The following CDADC1 variants were observed in gnomAD, a reference collection of about 807,000 sequenced individuals.
CDADC1 encodes dCTP deaminase.
CDADC1 carries 39 observed loss-of-function variants against 54.9 expected under a neutral mutation model. The ratio of observed to expected loss-of-function variants is 0.71; its 90% confidence interval spans 0.55 to 0.93. The LOEUF is 0.93. CDADC1 is among the 40% of genes least tolerant of loss of function. The probability of loss-of-function intolerance (pLI) is 0.00; values close to 1 mark genes in which losing one functional copy is unlikely to be tolerated. For synonymous variants in CDADC1, 186 were observed against 204.0 expected, an observed-to-expected ratio of 0.91 and a Z score of 0.75; for missense variants, 518 against 618.8, an observed-to-expected ratio of 0.84 and a Z score of 1.73.
chr13:49,253,672 TTTG>T (rs999999855), intron 2 of CDADC1, among the ~76,000 whole-genome samples: 63 of 152,246 alleles, frequency 4.1e-4, no homozygotes, highest in Admixed American at 1.8e-3. Context: ...GTACTATGTG[TTTG>T]TTGTTGTTGT....
intron 4 of CDADC1, chr13:49,265,883 A>T (rs1952803025): frequency 2.3e-6 from 3 of 1,302,414 alleles, no homozygotes; most frequent in Non-Finnish European, 3.0e-6. Flanking sequence ...AATCAGGATT[A>T]CTGGAAGCAG....
rs756465672 is a variant in CDADC1 at position 49,280,682 on chromosome 13, G to T, written c.1394G>T (p.Gly465Val). The change falls in exon 8 of 10, where the codon GGT (glycine) becomes GTT (valine). Residue 465 changes from glycine (G) to valine (V), a missense_variant. By Grantham distance (109) the Gly-to-Val change is moderately radical (BLOSUM62 -3). Coordinates refer to ENST00000251108, the MANE Select transcript of CDADC1 (RefSeq NM_030911.4). The stretch of plus-strand genomic sequence containing the variant: ...TACATGAGGTTCGGGGAGCTTGAAG[G>T]TGTTAGCAAATTTACGGTAAGTAGA... ...ISYMRFGELE[G>V]VSKFTWQLNP... 4 of 1,575,082 alleles carry T rather than the reference G, an allele frequency of 2.5e-6. No homozygotes were observed. Among genetic ancestry groups the T allele is most frequent in the South Asian group, 2.4e-5 (2 of 84,088 alleles).
chr13:49,264,666 T>G (rs1208326095), intron 4 of CDADC1, among the ~76,000 whole-genome samples: 1 of 150,012 alleles, frequency 6.7e-6, no homozygotes, highest in Non-Finnish European at 1.5e-5. Context: ...GAAGTTACAG[T>G]GAGCTATGAT....
At chr13:49,283,599 T>C (rs1206129939) in intron 8 of CDADC1, among the ~76,000 whole-genome samples, 1 of 152,150 alleles carries the variant, frequency 6.6e-6, no homozygotes, top group Non-Finnish European at 1.5e-5. Context: ...TACTGGTAGA[T>C]TTTAATAGCT....
chr13:49,259,318 T>C (rs779916883), intron 3 of CDADC1, 28 bp from the exon 4 acceptor site: 1 of 1,492,812 alleles, frequency 6.7e-7, no homozygotes, highest in Non-Finnish European at 9.2e-7. Flanking sequence ...TTATAACTAA[T>C]AAGTTGTTAT....
intron 6 of CDADC1, 21 bp downstream of exon 6, chr13:49,274,361 TTAAA>T: frequency 6.3e-7 from 1 of 1,590,246 alleles, no homozygotes; most frequent in Non-Finnish European, 8.6e-7. Context: ...AAACAATTCT[TTAAA>T]TATTTAACCT....
chr13:49,268,247 T>C (rs1228468495), intron 5 of CDADC1, among the ~76,000 whole-genome samples, 188 bp downstream of exon 5: 1 of 152,230 alleles, frequency 6.6e-6, no homozygotes, highest in Non-Finnish European at 1.5e-5. Flanking sequence ...GGATTCCTTG[T>C]AGCCTTATAT....
intron 8 of CDADC1, among the ~76,000 whole-genome samples, chr13:49,281,258 G>A (rs1314446470): frequency 6.6e-6 from 1 of 152,156 alleles, no homozygotes; most frequent in Non-Finnish European, 1.5e-5. Flanking sequence ...TTGAGCCAGT[G>A]GATCTTTTGG....
At position 49,265,982 on chromosome 13, in the gene CDADC1, G is replaced by A. The variant is rs1187945066; in HGVS notation, c.431-1508G>A. 4.0e-5 allele frequency: 52 copies of A among 1,296,370 alleles called. 2 individuals carry two copies. Among genetic ancestry groups the A allele is most frequent in the South Asian group, 2.5e-4 (20 of 80,370 alleles). 80.3% of individuals were successfully genotyped at this position (1,296,370 alleles called of 1,614,324 possible). On this transcript the variant is annotated intron_variant, in intron 4 of 9. Transcript: ENST00000251108. ...AACAGAGGGAAGGTGAAATGCAACC[G>A]GAGGAAACACTCTGATATGAGGTTT...
At position 49,292,824 on chromosome 13, in the gene CDADC1, G is replaced by A. The variant is rs1348874919; in HGVS notation, c.*1067G>A. Reference sequence around the variant, plus strand: ...GTGCTTCATGAGAAATGTCTTCCTGGATCTGCGGTGGTCAGGTTTGCCTCT... The same window carrying A: ...GTGCTTCATGAGAAATGTCTTCCTGAATCTGCGGTGGTCAGGTTTGCCTCT... On this transcript the variant is annotated 3_prime_UTR_variant, in exon 10 of 10. Coordinates refer to ENST00000251108, the MANE Select transcript of CDADC1 (RefSeq NM_030911.4). The A allele has an allele frequency of 3.1e-6, 4 of 1,272,830 alleles. No individual in the cohort carries two copies. The Admixed American group carries it at 7.2e-5, about 23-fold the overall frequency. 78.8% of individuals were successfully genotyped at this position (1,272,830 alleles called of 1,614,324 possible).
intron 3 of CDADC1, among the ~76,000 whole-genome samples, chr13:49,258,776 C>T (rs1952605400): frequency 1.3e-5 from 2 of 152,270 alleles, no homozygotes; most frequent in Middle Eastern, 3.4e-3. Flanking sequence ...TCTAGACTGC[C>T]ATAGTGCTAA....
chr13:49,266,649 T>G lies in CDADC1; in HGVS notation c.431-841T>G, dbSNP rs546110054. 1.3e-4 allele frequency among the ~76,000 whole-genome samples: 20 copies of G among 152,354 alleles called. No homozygotes were observed. The South Asian group carries it at 3.9e-3, about 30-fold the overall frequency. On this transcript the variant is annotated intron_variant, in intron 4 of 9. Transcript: ENST00000251108. ...TGTTTTATTATGAGGAGGACCATAA[T>G]TAATTCAACCATTCCCCTATTTTGG...
chr13:49,292,538 C>A lies in CDADC1; in HGVS notation c.*781C>A. ...CCTAGAATTCCATTAATAAATGCTG[C>A]TCCCCCATATAGTCTTCCCTTCTGT... On this transcript the variant is annotated 3_prime_UTR_variant, in exon 10 of 10. Transcript: ENST00000251108. The A allele has an allele frequency of 9.7e-7, 1 of 1,033,538 alleles. No homozygotes were observed. Among genetic ancestry groups the A allele is most frequent in the Non-Finnish European group, 1.2e-6 (1 of 858,822 alleles). 64.0% of individuals were successfully genotyped at this position (1,033,538 alleles called of 1,614,324 possible).
At position 49,255,842 on chromosome 13, in the gene CDADC1, A is replaced by ATCTG. The variant is rs1246700257; in HGVS notation, c.181_182insTCTG (p.Asn61IlefsTer2). On this transcript the variant is annotated stop_gained and frameshift_variant, in exon 3 of 10. Coordinates refer to ENST00000251108, the MANE Select transcript of CDADC1 (RefSeq NM_030911.4). LOFTEE classifies it high-confidence loss of function. The stretch of plus-strand genomic sequence containing the variant: ...TCCTTAATCTGATTTTTATTAGAAA[A>ATCTG]ATGAAGAGGGAAAGCATGGACCCTT... The ATCTG allele has an allele frequency of 6.2e-7, 1 of 1,610,792 alleles. No homozygotes were observed. Among genetic ancestry groups the ATCTG allele is most frequent in the South Asian group, 1.1e-5 (1 of 89,984 alleles).
At chr13:49,284,872 G>C (rs1009254192) in intron 8 of CDADC1, among the ~76,000 whole-genome samples, 1 of 152,182 alleles carries the variant, frequency 6.6e-6, no homozygotes, top group Non-Finnish European at 1.5e-5. Flanking sequence ...CCCTAGCAGG[G>C]CCTTTTGGTT....
At chr13:49,260,416 A>T (rs1376879065) in intron 4 of CDADC1, among the ~76,000 whole-genome samples, 1 of 152,170 alleles carries the variant, frequency 6.6e-6, no homozygotes. Flanking sequence ...AGTCCTCTGT[A>T]TCCAGAGGCA....
At chr13:49,254,994 G>A (rs1952511812) in intron 2 of CDADC1, among the ~76,000 whole-genome samples, 2 of 152,170 alleles carry the variant, frequency 1.3e-5, no homozygotes, top group South Asian at 4.1e-4. Context: ...AAAGTTGGTG[G>A]CTTAAAACAA....
chr13:49,274,241 AAACT>A (rs1467097087), intron 5 of CDADC1, 46 bp from the exon 6 acceptor site: 2 of 1,395,636 alleles, frequency 1.4e-6, no homozygotes, highest in African/African-American at 1.4e-5. Context: ...TATATTTCTA[AAACT>A]AACATATCAT....
intron 3 of CDADC1, among the ~76,000 whole-genome samples, chr13:49,258,607 G>A (rs1952602890): frequency 1.3e-5 from 2 of 152,152 alleles, no homozygotes; most frequent in South Asian, 4.1e-4. Context: ...CTTAATTCAG[G>A]CTCAGCCAGT....
Sources: allele counts gnomAD v4.1 joint callset (sites outside exome capture counted in the v4.1 genomes callset), GRCh38; gene constraint gnomAD v4.1.1; transcripts MANE v1.5; gene names NCBI Gene and HGNC (gene_info 2026-07-23, HGNC 2026-07-21).